Variants in NUDCD1 observed in about 807,000 individuals in gnomAD.
The protein encoded by NUDCD1 is nudC domain-containing protein 1.
Under a neutral mutation model 67.8 loss-of-function variants are expected in NUDCD1, and 60 were observed. That is an observed-to-expected ratio of 0.88 (90% CI 0.72 to 1.10). NUDCD1 has a LOEUF of 1.10. Among genes scored for constraint, NUDCD1 ranks in the 50% least tolerant of loss-of-function variants. NUDCD1 has a pLI of 0.00. For missense variants in NUDCD1, 643 were observed against 695.0 expected, an observed-to-expected ratio of 0.93 and a Z score of 0.84; for synonymous variants, 244 against 230.8, an observed-to-expected ratio of 1.06 and a Z score of -0.52.
chr8:109,264,104 A>G (rs1307361206), intron 8 of NUDCD1, among the ~76,000 whole-genome samples: 1 of 152,332 alleles, frequency 6.6e-6, no homozygotes, highest in Non-Finnish European at 1.5e-5. Context: ...CTAAAGTACC[A>G]TGGTTGTACT....
At chr8:109,257,122 T>C (rs754702711) in intron 8 of NUDCD1, among the ~76,000 whole-genome samples, 4 of 152,150 alleles carry the variant, frequency 2.6e-5, no homozygotes, top group Non-Finnish European at 5.9e-5. Flanking sequence ...ATCACTGATA[T>C]CTGCATTGCA....
At chr8:109,245,167 A>C (rs1265569966) in intron 9 of NUDCD1, among the ~76,000 whole-genome samples, 155 bp downstream of exon 9, 1 of 152,206 alleles carries the variant, frequency 6.6e-6, no homozygotes, top group East Asian at 1.9e-4. Flanking sequence ...CAGTGCTAAC[A>C]CTCACAACTA....
chr8:109,245,058 C>T (rs1411022620), intron 9 of NUDCD1, among the ~76,000 whole-genome samples: 1 of 152,096 alleles, frequency 6.6e-6, no homozygotes. Flanking sequence ...AAGCAAATGA[C>T]TTATTAGAAT....
intron 2 of NUDCD1, chr8:109,298,605 T>C (rs1362447337): frequency 6.6e-6 from 1 of 152,082 alleles, no homozygotes; most frequent in Admixed American, 6.5e-5. Flanking sequence ...TACATGTAAA[T>C]AAAAGGCATG....
chr8:109,282,941 C>T (rs117191350), intron 5 of NUDCD1, among the ~76,000 whole-genome samples: 145 of 151,422 alleles, frequency 9.6e-4, no homozygotes, highest in Admixed American at 1.4e-3. Context: ...TAGAAATGGT[C>T]CTTAACCAAA....
intron 8 of NUDCD1, among the ~76,000 whole-genome samples, chr8:109,267,525 C>T (rs567565327): frequency 2.0e-5 from 3 of 152,260 alleles, no homozygotes; most frequent in Non-Finnish European, 4.4e-5. Flanking sequence ...TCGTCTGACC[C>T]AGCAATCCCA....
At chr8:109,331,258 CG>C (rs1369594254) in intron 1 of NUDCD1, among the ~76,000 whole-genome samples, 7 of 152,148 alleles carry the variant, frequency 4.6e-5, no homozygotes, top group Admixed American at 3.9e-4. Context: ...TGCTTGAACC[CG>C]GGAGGCGGAA....
At chr8:109,311,827 GGTATAGT>G (rs1331493197) in intron 2 of NUDCD1, among the ~76,000 whole-genome samples, 1 of 151,444 alleles carries the variant, frequency 6.6e-6, no homozygotes, top group East Asian at 1.9e-4. Flanking sequence ...CTACAAATAG[GGTATAGT>G]GTATACTGCT....
chr8:109,286,319 G>A (rs924433681), intron 5 of NUDCD1, among the ~76,000 whole-genome samples: 2 of 151,986 alleles, frequency 1.3e-5, no homozygotes, highest in Non-Finnish European at 2.9e-5. Flanking sequence ...AAATTCGTAC[G>A]GATCCAAAAA....
At chr8:109,274,143 T>A (rs1051694580) in intron 7 of NUDCD1, among the ~76,000 whole-genome samples, 3 of 152,154 alleles carry the variant, frequency 2.0e-5, no homozygotes, top group East Asian at 1.9e-4. Flanking sequence ...AAGGCAAGAA[T>A]GTCTGCTTTT....
chr8:109,285,379 T>C (rs1255812190), intron 5 of NUDCD1, among the ~76,000 whole-genome samples: 1 of 152,084 alleles, frequency 6.6e-6, no homozygotes, highest in East Asian at 1.9e-4. Flanking sequence ...TACAGGCCAA[T>C]ATCCCCGATG....
intron 2 of NUDCD1, among the ~76,000 whole-genome samples, chr8:109,320,191 G>T (rs1475058947): frequency 6.6e-6 from 1 of 152,066 alleles, no homozygotes; most frequent in Non-Finnish European, 1.5e-5. Flanking sequence ...GAGATCAACC[G>T]GTCTGACCAA....
At chr8:109,286,277 C>T (rs886852206) in intron 5 of NUDCD1, among the ~76,000 whole-genome samples, 3 of 152,120 alleles carry the variant, frequency 2.0e-5, no homozygotes, top group South Asian at 4.1e-4. Flanking sequence ...CTACCAATGT[C>T]ATTTTTCACA....
chr8:109,282,683 G>A (rs530757573), intron 5 of NUDCD1, among the ~76,000 whole-genome samples: 1 of 151,688 alleles, frequency 6.6e-6, no homozygotes, highest in African/African-American at 2.4e-5. Context: ...GGGTTGTCGG[G>A]GGGTGGGGGG....
At chr8:109,321,444 T>C (rs1362158980) in intron 2 of NUDCD1, among the ~76,000 whole-genome samples, 3 of 152,104 alleles carry the variant, frequency 2.0e-5, no homozygotes, top group Admixed American at 6.5e-5. Flanking sequence ...ATCAACCATT[T>C]AAAAAATAAT....
chr8:109,327,605 C>T (rs1294198053), intron 1 of NUDCD1, among the ~76,000 whole-genome samples: 2 of 152,194 alleles, frequency 1.3e-5, no homozygotes, highest in Non-Finnish European at 2.9e-5. Flanking sequence ...AAAACATTGA[C>T]AAGCTTCAGT....
rs1180782942 is a variant in NUDCD1, at chr8:109,275,334, AC to A, written c.1173+17del. 1.2e-6 allele frequency: 2 copies of A among 1,608,178 alleles called. No homozygotes were observed. The highest frequency in any genetic ancestry group is 1.7e-6 in the Non-Finnish European group (2 of 1,176,888). On this transcript the variant is annotated intron_variant, in intron 7 of 9. Coordinates refer to ENST00000239690, the MANE Select transcript of NUDCD1 (RefSeq NM_032869.4). ...TTTTGGACCCTTGGAAAGTCACACT[AC>A]TATTCCAACTACTTACCAGTTCTTC... is the stretch of plus-strand genomic sequence containing the variant.
In NUDCD1 at chr8:109,277,250, T is replaced by C. The variant is rs1586271385; in HGVS notation, c.1029-1754A>G. The stretch of plus-strand genomic sequence containing the variant: ...AAGTCCATGTTCTTCACTACTGCAC[T>C]ATTCTGCCTCTCTGAAAAAATATAT... On this transcript the variant is annotated intron_variant, in intron 6 of 9. Transcript: ENST00000239690. 9.2e-5 allele frequency among the ~76,000 whole-genome samples: 14 copies of C among 152,318 alleles called. 3 individuals carry two copies. Among genetic ancestry groups the C allele is most frequent in the Admixed American group, 9.1e-4 (14 of 15,304 alleles).
At position 109,281,127 on chromosome 8, in the gene NUDCD1, G is replaced by A. The variant is rs1814427969; in HGVS notation, c.869C>T (p.Thr290Ile). The A allele has an allele frequency of 1.2e-6, 2 of 1,613,378 alleles. No homozygotes were observed. Among genetic ancestry groups the A allele is most frequent in the Non-Finnish European group, 1.7e-6 (2 of 1,179,642 alleles). The change falls in exon 6 of 10, where the codon ACC becomes ATC. Residue 290 changes from threonine to isoleucine, a missense_variant. Coordinates refer to ENST00000239690, the MANE Select transcript of NUDCD1 (RefSeq NM_032869.4). ...WQQTEDDLTV[T>I]IRLPEDSTKE... ...AGTACTGTCTTCTGGAAGCCGTATG[G>A]TTACTGTCAAATCATCTTCAGTCTG...
Sources: allele counts gnomAD v4.1 joint callset (sites outside exome capture counted in the v4.1 genomes callset), GRCh38; gene constraint gnomAD v4.1.1; transcripts MANE v1.5; gene names NCBI Gene and HGNC (gene_info 2026-07-23, HGNC 2026-07-21).